The following NALF1 variants were observed in gnomAD, a reference collection of about 807,000 sequenced individuals.
NALF1 encodes family with sequence similarity 155 member A.
NALF1 carries 3 observed loss-of-function variants against 48.4 expected under a neutral mutation model. The observed-to-expected ratio is 0.06, with a 90% CI of 0.03 to 0.16. The LOEUF (loss-of-function observed/expected upper bound fraction) is 0.16, where lower values mean the gene tolerates loss of function less well. NALF1 is among the 10% of genes least tolerant of loss of function. The probability of loss-of-function intolerance (pLI) is 1.00; values close to 1 mark genes in which losing one functional copy is unlikely to be tolerated. For synonymous variants in NALF1, 262 were observed against 245.7 expected, an observed-to-expected ratio of 1.07 and a Z score of -0.62; for missense variants, 526 against 571.5, an observed-to-expected ratio of 0.92 and a Z score of 0.81.
chr13:107,513,850 C>T lies in NALF1; in HGVS notation c.916-303095G>A, dbSNP rs117515715. Among the ~76,000 whole-genome samples, 522 of 152,276 alleles carry T rather than the reference C, an allele frequency of 3.4e-3. 6 individuals are homozygous for T. In the East Asian group the frequency reaches 0.034, roughly 10 times the overall value. ...AATAGATGCAAGAAAGGTCTCTGCC[C>T]GCTATTTGCCTAAAAGCAGGGCATA... On this transcript the variant is annotated intron_variant, in intron 1 of 2. Coordinates refer to ENST00000375915, the MANE Select transcript of NALF1 (RefSeq NM_001080396.3).
intron 1 of NALF1, among the ~76,000 whole-genome samples, chr13:107,505,396 C>G (rs1003801646): frequency 1.3e-5 from 2 of 152,086 alleles, no homozygotes; most frequent in South Asian, 4.1e-4. Context: ...GAGAATGGTA[C>G]ATAGTCTATT....
intron 1 of NALF1, among the ~76,000 whole-genome samples, chr13:107,374,100 G>T (rs1014845798): frequency 1.3e-5 from 2 of 152,112 alleles, no homozygotes; most frequent in African/African-American, 4.8e-5. Flanking sequence ...TGTTTTCCAT[G>T]TTATTTTATA....
chr13:107,194,744 G>T (rs1879356644), intron 2 of NALF1, among the ~76,000 whole-genome samples: 1 of 152,128 alleles, frequency 6.6e-6, no homozygotes, highest in Admixed American at 6.5e-5. Flanking sequence ...AAAGCCTTCT[G>T]CACAGCAAAA....
At chr13:107,862,106 A>T (rs1223882502) in intron 1 of NALF1, among the ~76,000 whole-genome samples, 1 of 152,208 alleles carries the variant, frequency 6.6e-6, no homozygotes, top group Non-Finnish European at 1.5e-5. Context: ...CAGATGGTAC[A>T]ATGGTTTATT....
intron 2 of NALF1, among the ~76,000 whole-genome samples, chr13:107,192,732 C>A (rs1425435939): frequency 6.6e-6 from 1 of 152,168 alleles, no homozygotes; most frequent in Admixed American, 6.5e-5. Flanking sequence ...ATCAGCCTGA[C>A]TGAACCCCAA....
chr13:107,312,496 C>T (rs1177239975), intron 1 of NALF1, among the ~76,000 whole-genome samples: 4 of 152,046 alleles, frequency 2.6e-5, no homozygotes, highest in African/African-American at 7.2e-5. Context: ...GGGTGCAGCA[C>T]ACCAACATGG....
intron 1 of NALF1, among the ~76,000 whole-genome samples, chr13:107,420,386 A>T (rs1884165140): frequency 6.6e-6 from 1 of 152,214 alleles, no homozygotes; most frequent in South Asian, 2.1e-4. Flanking sequence ...AACTAATAAA[A>T]TAATAATTAT....
intron 1 of NALF1, among the ~76,000 whole-genome samples, chr13:107,497,649 C>A (rs1875383748): frequency 1.3e-5 from 2 of 152,146 alleles, no homozygotes; most frequent in South Asian, 2.1e-4. Context: ...AATTAATAAT[C>A]CCCAGTGTCC....
intron 1 of NALF1, among the ~76,000 whole-genome samples, chr13:107,712,420 A>G (rs1019079669): frequency 6.6e-6 from 1 of 152,234 alleles, no homozygotes; most frequent in Non-Finnish European, 1.5e-5. Flanking sequence ...GAAAAAACAC[A>G]TTAGATGTGA....
At chr13:107,228,434 C>T (rs751192859) in intron 1 of NALF1, among the ~76,000 whole-genome samples, 30 of 152,128 alleles carry the variant, frequency 2.0e-4, no homozygotes, top group Non-Finnish European at 3.5e-4. Context: ...AGAGAAAAGG[C>T]ACCTAGAAGT....
intron 1 of NALF1, among the ~76,000 whole-genome samples, chr13:107,574,191 G>A (rs111916477): frequency 6.6e-6 from 1 of 152,156 alleles, no homozygotes. Context: ...GCTTCAGCCA[G>A]TATTGTTTTG....
chr13:107,612,083 G>A (rs1445349162), intron 1 of NALF1, among the ~76,000 whole-genome samples: 12 of 68,638 alleles, frequency 1.7e-4, no homozygotes, highest in Non-Finnish European at 2.1e-4. Flanking sequence ...AGGGGAGTGG[G>A]GGGGAGAGAG....
intron 1 of NALF1, among the ~76,000 whole-genome samples, chr13:107,413,356 T>G (rs1365795583): frequency 6.6e-6 from 1 of 152,172 alleles, no homozygotes; most frequent in African/African-American, 2.4e-5. Context: ...AAGTTAAACC[T>G]GGAGTACAAG....
rs183775212 is a variant in NALF1 at position 107,287,787 on chromosome 13, C to A, written c.916-77032G>T. Among the ~76,000 whole-genome samples the A allele has an allele frequency of 3.6e-3, 530 of 146,814 alleles. 5 individuals are homozygous for A. In the Middle Eastern group the frequency reaches 0.042, roughly 12 times the overall value. Reference sequence around the variant, plus strand: ...GTGGCACAATCTCAGTTCACCACAACCTCCACCTCCCAGGTTCAAATGATT... The same window carrying A: ...GTGGCACAATCTCAGTTCACCACAAACTCCACCTCCCAGGTTCAAATGATT... On this transcript the variant is annotated intron_variant, in intron 1 of 2. Coordinates refer to ENST00000375915, the MANE Select transcript of NALF1 (RefSeq NM_001080396.3).
chr13:107,247,777 T>C (rs553663760), intron 1 of NALF1, among the ~76,000 whole-genome samples: 9 of 152,284 alleles, frequency 5.9e-5, no homozygotes, highest in Non-Finnish European at 1.3e-4. Flanking sequence ...AAAAATGACT[T>C]TGGGATTTTG....
intron 2 of NALF1, among the ~76,000 whole-genome samples, chr13:107,204,010 GCGCCCACAAGC>G (rs1879580313): frequency 3.0e-5 from 4 of 132,098 alleles, no homozygotes; most frequent in Admixed American, 2.3e-4. Flanking sequence ...GCAGAGAGGG[GCGCCCACAAGC>G]TCTCCCTGCT....
chr13:107,275,098 G>C (rs1214814134), intron 1 of NALF1, among the ~76,000 whole-genome samples: 1 of 152,110 alleles, frequency 6.6e-6, no homozygotes, highest in African/African-American at 2.4e-5. Context: ...TATAAGACAT[G>C]CATACGGTTA....
At chr13:107,294,448 G>A (rs2138885956) in intron 1 of NALF1, among the ~76,000 whole-genome samples, 1 of 152,264 alleles carries the variant, frequency 6.6e-6, no homozygotes, top group Middle Eastern at 3.4e-3. Context: ...GTAGTACTTT[G>A]AAGGAGCTAC....
chr13:107,479,809 T>C (rs1885227280), intron 1 of NALF1, among the ~76,000 whole-genome samples: 1 of 152,196 alleles, frequency 6.6e-6, no homozygotes, highest in African/African-American at 2.4e-5. Context: ...TTTGCCTGTA[T>C]AACTTTTTAA....
Sources: allele counts gnomAD v4.1 joint callset (sites outside exome capture counted in the v4.1 genomes callset), GRCh38; gene constraint gnomAD v4.1.1; transcripts MANE v1.5; gene names NCBI Gene and HGNC (gene_info 2026-07-23, HGNC 2026-07-21).